Variants in JMY observed in about 807,000 individuals in gnomAD.
The protein encoded by JMY is junction mediating and regulatory protein, p53 cofactor.
JMY carries 46 observed loss-of-function variants against 103.3 expected under a neutral mutation model. That is an observed-to-expected ratio of 0.45 (90% CI 0.35 to 0.57). The LOEUF (loss-of-function observed/expected upper bound fraction) is 0.57, where lower values mean the gene tolerates loss of function less well. Among genes scored for constraint, JMY ranks in the 20% least tolerant of loss-of-function variants. The pLI is 0.00. For missense variants in JMY, 1,238 were observed against 1,255.2 expected, an observed-to-expected ratio of 0.99 and a Z score of 0.21; for synonymous variants, 526 against 489.3, an observed-to-expected ratio of 1.07 and a Z score of -0.99.
intron 1 of JMY, among the ~76,000 whole-genome samples, chr5:79,243,075 G>A (rs112346423): frequency 0.022 from 3,360 of 152,264 alleles, 68 homozygotes; most frequent in Middle Eastern, 0.037. Context: ...TTAGAGAAGA[G>A]TGCCCAATTG....
chr5:79,318,981 G>C (rs541122183), intron 10 of JMY, among the ~76,000 whole-genome samples: 1 of 151,756 alleles, frequency 6.6e-6, no homozygotes, highest in East Asian at 1.9e-4. Flanking sequence ...TACCATCTTT[G>C]CACTGACTAA....
chr5:79,239,398 C>G (rs1680184087), intron 1 of JMY, among the ~76,000 whole-genome samples: 1 of 152,156 alleles, frequency 6.6e-6, no homozygotes. Flanking sequence ...ACTGCAAGAA[C>G]CGTTAGTGCT....
intron 2 of JMY, chr5:79,284,448 G>T: frequency 1.3e-6 from 2 of 1,558,936 alleles, no homozygotes; most frequent in Admixed American, 1.7e-5. Flanking sequence ...CGGACCCGTT[G>T]GTGCTGGGCA....
chr5:79,268,970 TC>T (rs1400027652), intron 1 of JMY, among the ~76,000 whole-genome samples: 1 of 152,178 alleles, frequency 6.6e-6, no homozygotes, highest in African/African-American at 2.4e-5. Context: ...GTCTTTTCAT[TC>T]TTAATAGTGT....
At position 79,314,765 on chromosome 5, in the gene JMY, C is replaced by G. The variant is rs376825678; in HGVS notation, c.2573C>G (p.Pro858Arg). 2 of 1,613,424 alleles carry G rather than the reference C, an allele frequency of 1.2e-6. No individual in the cohort carries two copies. The highest frequency in any genetic ancestry group is 1.7e-5 in the Admixed American group (1 of 59,934). Reference sequence around the variant, plus strand: ...AGGATCCCAAAGTCAGCCAGTGCCCCCTCAGCACACCTCTTTGACAGCAGC... The same window carrying G: ...AGGATCCCAAAGTCAGCCAGTGCCCGCTCAGCACACCTCTTTGACAGCAGC... ...EKRIPKSASA[P>R]SAHLFDSSQL... The change falls in exon 9 of 11, where the codon CCC (proline) becomes CGC (arginine). Residue 858 changes from proline to arginine, a missense_variant. Coordinates refer to ENST00000396137, the MANE Select transcript of JMY (RefSeq NM_152405.5).
intron 4 of JMY, among the ~76,000 whole-genome samples, chr5:79,299,449 C>CA (rs1376072977): frequency 3.9e-5 from 6 of 152,112 alleles, no homozygotes; most frequent in Admixed American, 2.0e-4. Context: ...TCATTCCTGG[C>CA]AAAAATTTTC....
At chr5:79,321,382 A>T (rs908186716) in intron 10 of JMY, among the ~76,000 whole-genome samples, 1 of 152,212 alleles carries the variant, frequency 6.6e-6, no homozygotes, top group Non-Finnish European at 1.5e-5. Flanking sequence ...TATAGTTTTC[A>T]TACAGTGTTA....
intron 1 of JMY, among the ~76,000 whole-genome samples, chr5:79,241,042 T>C (rs1744724906): frequency 6.6e-6 from 1 of 152,230 alleles, no homozygotes; most frequent in Admixed American, 6.5e-5. Context: ...TCCTTTTCCT[T>C]CTTTAATTTC....
At chr5:79,296,839 A>G (rs1361559268) in intron 4 of JMY, among the ~76,000 whole-genome samples, 1 of 152,226 alleles carries the variant, frequency 6.6e-6, no homozygotes, top group East Asian at 1.9e-4. Flanking sequence ...GGCATAATTC[A>G]TTTGCATAGT....
In JMY at chr5:79,284,726, G is replaced by A. The variant is rs1049851038; in HGVS notation, c.1207-5395G>A. 10 of 1,589,730 alleles carry A rather than the reference G, an allele frequency of 6.3e-6. No homozygotes were observed. In the Admixed American group the frequency reaches 8.3e-5, roughly 13 times the overall value. ...TCAGCAAGACTCACTTCAAACACACGACCCTTGAGACCATCAGATGCAATT... is the reference window on the plus strand; with the variant it reads ...TCAGCAAGACTCACTTCAAACACACAACCCTTGAGACCATCAGATGCAATT... On this transcript the variant is annotated intron_variant, in intron 2 of 10. Transcript: ENST00000396137.
intron 1 of JMY, among the ~76,000 whole-genome samples, chr5:79,252,136 C>T (rs536536551): frequency 1.1e-4 from 16 of 152,268 alleles, no homozygotes; most frequent in African/African-American, 3.1e-4. Context: ...ACTGCTTTTG[C>T]TGTATCCCAT....
intron 1 of JMY, among the ~76,000 whole-genome samples, chr5:79,270,523 A>G (rs7719892): frequency 0.4 from 18,899 of 47,184 alleles, 5,918 homozygotes; most frequent in African/African-American, 0.52. Context: ...TATTTAAAAT[A>G]TATATTTACA....
intron 2 of JMY, chr5:79,284,545 G>A (rs4704552): frequency 0.65 from 1,007,183 of 1,545,174 alleles, 332,734 homozygotes; most frequent in African/African-American, 0.92. Context: ...TAGTCCTGAC[G>A]TCAACGTGAG....
At chr5:79,249,049 C>T (rs1744997784) in intron 1 of JMY, among the ~76,000 whole-genome samples, 1 of 152,182 alleles carries the variant, frequency 6.6e-6, no homozygotes, top group Non-Finnish European at 1.5e-5. Context: ...AGACATGAGC[C>T]ACTGTGCCTG....
intron 2 of JMY, among the ~76,000 whole-genome samples, chr5:79,287,035 C>G (rs1487633614): frequency 6.6e-6 from 1 of 151,958 alleles, no homozygotes; most frequent in Non-Finnish European, 1.5e-5. Flanking sequence ...AAAAAGAGGG[C>G]ATTGCTTGCC....
At chr5:79,282,507 A>G (rs573975465) in intron 2 of JMY, among the ~76,000 whole-genome samples, 7 of 152,352 alleles carry the variant, frequency 4.6e-5, no homozygotes, top group African/African-American at 1.7e-4. Flanking sequence ...TATAAGAAGC[A>G]CACAAAATGG....
intron 6 of JMY, among the ~76,000 whole-genome samples, chr5:79,304,520 G>T (rs1376114065): frequency 1.3e-5 from 2 of 152,088 alleles, no homozygotes; most frequent in Non-Finnish European, 2.9e-5. Flanking sequence ...ATTTCAAGAA[G>T]AGTAACAAAA....
chr5:79,282,834 T>A (rs117414881), intron 2 of JMY, among the ~76,000 whole-genome samples: 1 of 152,152 alleles, frequency 6.6e-6, no homozygotes, highest in Non-Finnish European at 1.5e-5. Context: ...CCTGCTGTTA[T>A]CCACAGGGTG....
At chr5:79,310,980 G>C (rs965955503) in intron 7 of JMY, among the ~76,000 whole-genome samples, 44 of 152,138 alleles carry the variant, frequency 2.9e-4, no homozygotes, top group African/African-American at 1.0e-3. Context: ...TTTTAAAATA[G>C]CTGGGCATGG....
Sources: gnomAD v4.1 joint callset for allele counts (sites outside exome capture counted in the v4.1 genomes callset) on GRCh38, gnomAD v4.1.1 for gene constraint, MANE v1.5 for transcripts, NCBI Gene and HGNC (gene_info 2026-07-23, HGNC 2026-07-21) for gene names.